Variants in ZNF208 observed in about 807,000 individuals in gnomAD.
The protein encoded by ZNF208 is zinc finger protein 208.
In ZNF208, 10 loss-of-function variants were observed where a neutral mutation model predicts 12.1. That is an observed-to-expected ratio of 0.83 (90% CI 0.51 to 1.40). The LOEUF (loss-of-function observed/expected upper bound fraction) is 1.40. Among genes scored for constraint, ZNF208 ranks in the 40% most tolerant of loss-of-function variants. The pLI is 0.00. For missense variants in ZNF208, 1,652 were observed against 1,485.0 expected (o/e 1.11, Z -1.85); for synonymous variants, 497 against 488.4 (o/e 1.02, Z -0.23).
At chr19:21,950,894 T>A (rs1969878328) in intron 4 of ZNF208, among the ~76,000 whole-genome samples, 1 of 152,204 alleles carries the variant, frequency 6.6e-6, no homozygotes, top group Non-Finnish European at 1.5e-5. Flanking sequence ...CTTCTGTTTG[T>A]CTAGATGGTT....
chr19:21,953,114 G>T (rs1487140212), intron 4 of ZNF208, among the ~76,000 whole-genome samples: 1 of 152,166 alleles, frequency 6.6e-6, no homozygotes, highest in African/African-American at 2.4e-5. Context: ...CAAGCTTAGA[G>T]AAAAAGAGAA....
chr19:21,973,601 T>G lies in ZNF208; in HGVS notation c.1433A>C (p.Glu478Ala). 1 of 1,613,146 alleles carries G rather than the reference T, an allele frequency of 6.2e-7. No individual in the cohort carries two copies. Among genetic ancestry groups the G allele is most frequent in the Non-Finnish European group, 8.5e-7 (1 of 1,179,734 alleles). ...ACATTCTTCACATTTGTAGGGTTTCTCTCCATTATGAATTACCTTATGTTT... is the reference window on the plus strand; with the variant it reads ...ACATTCTTCACATTTGTAGGGTTTCGCTCCATTATGAATTACCTTATGTTT... Reference protein sequence around the residue: ...LTKHKVIHNGEKPYKCEECDK... With the variant: ...LTKHKVIHNGAKPYKCEECDK... The change falls in exon 4 of 4, where the codon GAG (glutamate) becomes GCG (alanine). Residue 478 changes from glutamate (E) to alanine (A), a missense_variant. Physicochemically the swap from Glu to Ala is moderately radical, Grantham distance 107. Around this residue, in one of 3 missense-constraint regions of ZNF208, gnomAD observed 1,239 missense variants for 1,086.2 expected, o/e 1.14. Transcript: ENST00000397126.
chr19:21,949,600 C>T (rs754097525), intron 4 of ZNF208, among the ~76,000 whole-genome samples: 13 of 152,172 alleles, frequency 8.5e-5, no homozygotes, highest in African/African-American at 1.9e-4. Flanking sequence ...ACTAAAAAGC[C>T]TTTAACCAAC....
downstream of ZNF208, among the ~76,000 whole-genome samples, chr19:21,962,141 T>C (rs148621298): frequency 1.3e-5 from 2 of 152,280 alleles, no homozygotes; most frequent in East Asian, 3.9e-4. Flanking sequence ...TAAATGTCCA[T>C]ATTACAATGA....
Position 21,972,673 on chromosome 19 carries a change from G to T in ZNF208, c.2361C>A (p.Asn787Lys). The T allele has an allele frequency of 6.2e-7, 1 of 1,607,742 alleles. No homozygotes were observed. Residue 787 changes from asparagine to lysine, a missense_variant, in exon 4 of 4, where the codon AAC becomes AAA. By Grantham distance (94) the Asn-to-Lys change is moderately conservative. Coordinates refer to ENST00000397126, the MANE Select transcript of ZNF208 (RefSeq NM_007153.3). The stretch of plus-strand genomic sequence containing the variant: ...TATGTTTAATAAGGATTGCAGATCG[G>T]TTAAAAGCTTTGCCACATTCTTCAC... ...YKCEECGKAF[N>K]RSAILIKHKR...
intron 1 of ZNF208, among the ~76,000 whole-genome samples, chr19:22,001,920 A>AAAAAAAAAAAAAAAAC (rs1970960405): frequency 6.9e-6 from 1 of 144,630 alleles, no homozygotes; most frequent in Non-Finnish European, 1.5e-5. Context: ...AAAAAAAAAA[A>AAAAAAAAAAAAAAAAC]AGAAAAAAGA....
chr19:21,999,680 C>A (rs1970907281), intron 1 of ZNF208, among the ~76,000 whole-genome samples: 1 of 151,384 alleles, frequency 6.6e-6, no homozygotes, highest in South Asian at 2.1e-4. Context: ...AAAAAAAAAC[C>A]AATATTTTGC....
At chr19:21,989,620 A>G (rs1316162544) in intron 1 of ZNF208, among the ~76,000 whole-genome samples, 1 of 152,060 alleles carries the variant, frequency 6.6e-6, no homozygotes, top group Non-Finnish European at 1.5e-5. Context: ...GCTGGGTCAA[A>G]TGTTATTTCT....
chr19:21,944,328 T>C (rs1969785578), intron 4 of ZNF208, among the ~76,000 whole-genome samples: 1 of 152,166 alleles, frequency 6.6e-6, no homozygotes, highest in Non-Finnish European at 1.5e-5. Flanking sequence ...GGATTTAAAA[T>C]TCAACCTAAA....
intron 4 of ZNF208, among the ~76,000 whole-genome samples, chr19:21,945,812 G>C (rs993047485): frequency 6.6e-6 from 1 of 152,084 alleles, no homozygotes; most frequent in Non-Finnish European, 1.5e-5. Context: ...ACATTAGCTA[G>C]CTTGCCTTAG....
At chr19:21,976,069 C>T (rs1194316101) in intron 3 of ZNF208, among the ~76,000 whole-genome samples, 2 of 151,924 alleles carry the variant, frequency 1.3e-5, no homozygotes, top group African/African-American at 4.8e-5. Flanking sequence ...GAAAGACATG[C>T]ACAGACAAAA....
At position 21,970,373 on chromosome 19, in the gene ZNF208, A is replaced by G. The variant is rs762189633; in HGVS notation, c.*818T>C. 3.9e-5 allele frequency among the ~76,000 whole-genome samples: 6 copies of G among 152,300 alleles called. No individual in the cohort carries two copies. The highest frequency in any genetic ancestry group is 4.1e-4 in the South Asian group (2 of 4,830). ...ATTGTAGGAATTCCCTCCAGTATGA[A>G]TTACATGAATGTTTAGTAAGGATTG... On this transcript the variant is annotated 3_prime_UTR_variant, in exon 4 of 4. Coordinates refer to ENST00000397126, the MANE Select transcript of ZNF208 (RefSeq NM_007153.3).
At position 21,972,967 on chromosome 19, in the gene ZNF208, T is replaced by C; in HGVS notation, c.2067A>G (p.Gly689=). The change falls in exon 4 of 4, where the codon GGA becomes GGG. Residue 689 remains glycine (G), a synonymous_variant. Transcript: ENST00000397126. The stretch of plus-strand genomic sequence containing the variant: ...ATTCTTCACATTTGTAGGGTTTCTC[T>C]CCAGTATGAATTACCTTATGTTTAG... The part of the protein sequence containing the change: ...ILTKHKVIHT[G]EKPYKCEECG... 1 of 1,613,594 alleles carries C rather than the reference T, an allele frequency of 6.2e-7. No homozygotes were observed. Among genetic ancestry groups the C allele is most frequent in the Non-Finnish European group, 8.5e-7 (1 of 1,179,848 alleles).
intron 4 of ZNF208, among the ~76,000 whole-genome samples, chr19:21,946,065 G>C (rs775291077): frequency 1.3e-5 from 2 of 152,226 alleles, no homozygotes; most frequent in Non-Finnish European, 2.9e-5. Context: ...GCCTGACATA[G>C]AAATGTCTGC....
At chr19:21,985,103 A>G (rs1970611452) in intron 3 of ZNF208, among the ~76,000 whole-genome samples, 1 of 152,222 alleles carries the variant, frequency 6.6e-6, no homozygotes, top group African/African-American at 2.4e-5. Context: ...ACCAATTATA[A>G]CGATAAATCT....
At chr19:21,953,853 T>C (rs535505210) in intron 4 of ZNF208, among the ~76,000 whole-genome samples, 7 of 152,348 alleles carry the variant, frequency 4.6e-5, no homozygotes, top group South Asian at 2.1e-4. Flanking sequence ...GCTCTGATCT[T>C]AGTTATTTCT....
In ZNF208 at chr19:21,966,949, T is replaced by G. The variant is rs1364536452; in HGVS notation, c.*4242A>C. 1.3e-5 allele frequency: 2 copies of G among 152,188 alleles called. No individual in the cohort carries two copies. The highest frequency in any genetic ancestry group is 4.8e-5 in the African/African-American group (2 of 41,456). 9.4% of individuals were successfully genotyped at this position (152,188 alleles called of 1,614,324 possible). Reference sequence around the variant, plus strand: ...ATCATGTTTGCTTTTTTATTAAATGTATTATAGATTCTGTACATTAATCCT... The same window carrying G: ...ATCATGTTTGCTTTTTTATTAAATGGATTATAGATTCTGTACATTAATCCT... On this transcript the variant is annotated 3_prime_UTR_variant, in exon 4 of 4. Coordinates refer to ENST00000397126, the MANE Select transcript of ZNF208 (RefSeq NM_007153.3).
At chr19:21,957,610 C>T (rs912053885) in intron 4 of ZNF208, among the ~76,000 whole-genome samples, 1 of 152,072 alleles carries the variant, frequency 6.6e-6, no homozygotes, top group African/African-American at 2.4e-5. Context: ...AACCAACTCA[C>T]AGGTATTTAA....
chr19:22,005,594 T>C (rs1460288014), intron 1 of ZNF208, among the ~76,000 whole-genome samples: 1 of 152,150 alleles, frequency 6.6e-6, no homozygotes, highest in African/African-American at 2.4e-5. Flanking sequence ...TCCCACAACA[T>C]TGTCCTCACT....
Sources: allele counts gnomAD v4.1 joint callset (sites outside exome capture counted in the v4.1 genomes callset), GRCh38; gene constraint gnomAD v4.1.1; regional missense constraint gnomAD v4.1.1; transcripts MANE v1.5; gene names NCBI Gene and HGNC (gene_info 2026-07-23, HGNC 2026-07-21).